RNF216: variants seen among roughly 807,000 people sequenced by gnomAD.
RNF216 encodes E3 ubiquitin-protein ligase RNF216.
A neutral mutation model predicts 110.8 loss-of-function variants in RNF216; 72 were observed. The ratio of observed to expected loss-of-function variants is 0.65; its 90% CI spans 0.54 to 0.79. The LOEUF (loss-of-function observed/expected upper bound fraction) is 0.79. Among genes scored for constraint, RNF216 ranks in the 30% least tolerant of loss-of-function variants. The pLI, the probability that RNF216 is intolerant of heterozygous loss-of-function variation, is 0.00. For missense variants in RNF216, 1,342 were observed against 1,141.2 expected, an observed-to-expected ratio of 1.18 and a Z score of -2.54; for synonymous variants, 495 against 407.5, an observed-to-expected ratio of 1.21 and a Z score of -2.59.
intron 13 of RNF216, among the ~76,000 whole-genome samples, chr7:5,685,331 A>G (rs1202100529): frequency 6.6e-6 from 1 of 152,122 alleles, no homozygotes; most frequent in African/African-American, 2.4e-5. Flanking sequence ...AACGTGATTA[A>G]TGTCAGGAGG....
intron 3 of RNF216, among the ~76,000 whole-genome samples, chr7:5,749,061 T>C (rs1335036422): frequency 2.6e-5 from 4 of 152,022 alleles, no homozygotes; most frequent in African/African-American, 9.7e-5. Flanking sequence ...CTAACTCCAA[T>C]GCCTTTTAGT....
chr7:5,776,210 C>T (rs1796765227), intron 1 of RNF216, among the ~76,000 whole-genome samples: 1 of 152,024 alleles, frequency 6.6e-6, no homozygotes, highest in Non-Finnish European at 1.5e-5. Flanking sequence ...ATCGGGAATA[C>T]ATCAAAACAA....
chr7:5,765,694 G>A (rs1368679035), intron 1 of RNF216, among the ~76,000 whole-genome samples: 4 of 151,070 alleles, frequency 2.6e-5, no homozygotes, highest in African/African-American at 9.7e-5. Flanking sequence ...TGTAATCCCA[G>A]TACTTCGGGC....
At chr7:5,742,978 G>A (rs940970272) in intron 3 of RNF216, among the ~76,000 whole-genome samples, 9 of 151,976 alleles carry the variant, frequency 5.9e-5, no homozygotes, top group African/African-American at 1.7e-4. Context: ...AATAAAAAAC[G>A]TAGGCCAGGC....
chr7:5,724,773 G>A (rs114616123), intron 8 of RNF216, among the ~76,000 whole-genome samples: 5,799 of 152,260 alleles, frequency 0.038, 166 homozygotes, highest in South Asian at 0.068. Flanking sequence ...CGCCTTTACT[G>A]GGTGGAAGCA....
At chr7:5,681,162 G>C (rs1275616210) in intron 13 of RNF216, among the ~76,000 whole-genome samples, 1 of 152,092 alleles carries the variant, frequency 6.6e-6, no homozygotes, top group Non-Finnish European at 1.5e-5. Context: ...AATCGTTTGT[G>C]GTTCTTCAGA....
At chr7:5,694,729 G>A (rs933156088) in intron 13 of RNF216, among the ~76,000 whole-genome samples, 1 of 152,198 alleles carries the variant, frequency 6.6e-6, no homozygotes. Context: ...TACATTCTCT[G>A]TAGCTGCGTA....
intron 5 of RNF216, among the ~76,000 whole-genome samples, chr7:5,737,207 G>C (rs1305887956): frequency 1.3e-5 from 2 of 152,166 alleles, no homozygotes; most frequent in Admixed American, 6.5e-5. Flanking sequence ...GGATGCTGTT[G>C]ATCTATTACC....
intron 13 of RNF216, among the ~76,000 whole-genome samples, chr7:5,653,360 G>A (rs570259058): frequency 1.3e-5 from 2 of 152,152 alleles, no homozygotes; most frequent in South Asian, 4.1e-4. Context: ...GGAGGCCGAG[G>A]TGGGCGGATC....
rs1382644472 is a variant in RNF216, at chr7:5,696,471, T to C, written c.2061+15290A>G. On this transcript the variant is annotated intron_variant, in intron 13 of 16. Transcript: ENST00000389902. This position sits in a 1 kb window ranked among gnomAD's most constrained non-coding sequence, Gnocchi z 5.4. Reference sequence around the variant, plus strand: ...AAACAAATTCACTGGCCGGTGGGAATGCAGCAAAGCAGCAACTGCCCAATG... The same window carrying C: ...AAACAAATTCACTGGCCGGTGGGAACGCAGCAAAGCAGCAACTGCCCAATG... 6.6e-6 allele frequency among the ~76,000 whole-genome samples: 1 copy of C among 152,150 alleles called. No homozygotes were observed. Among genetic ancestry groups the C allele is most frequent in the Non-Finnish European group, 1.5e-5 (1 of 68,016 alleles).
Position 5,682,127 on chromosome 7 carries a change from C to T in RNF216, c.2062-29617G>A, listed in dbSNP as rs146242176. Reference sequence around the variant, plus strand: ...AGGCACCTGAGGCCATGCGGGCCCACGCTGCTAGGAAAAACCGTTGGCTTT... The same window carrying T: ...AGGCACCTGAGGCCATGCGGGCCCATGCTGCTAGGAAAAACCGTTGGCTTT... On this transcript the variant is annotated intron_variant, in intron 13 of 16. Coordinates refer to ENST00000389902, the MANE Select transcript of RNF216 (RefSeq NM_207111.4). Among the ~76,000 whole-genome samples the T allele has an allele frequency of 7.9e-5, 12 of 152,324 alleles. No homozygotes were observed. In the East Asian group the frequency reaches 9.6e-4, roughly 12 times the overall value.
At chr7:5,675,862 A>T (rs1790254590) in intron 13 of RNF216, among the ~76,000 whole-genome samples, 1 of 151,832 alleles carries the variant, frequency 6.6e-6, no homozygotes, top group Non-Finnish European at 1.5e-5. Context: ...GGCATGCACC[A>T]CCATGCCTGG....
intron 13 of RNF216, among the ~76,000 whole-genome samples, chr7:5,693,681 C>A (rs1791465295): frequency 1.3e-5 from 2 of 152,104 alleles, no homozygotes; most frequent in South Asian, 4.2e-4. Flanking sequence ...AGGAAATTCC[C>A]CTTTGCTATA....
At chr7:5,730,871 C>G in intron 5 of RNF216, 54 bp from the exon 6 acceptor site, 1 of 1,576,942 alleles carries the variant, frequency 6.3e-7, no homozygotes, top group Non-Finnish European at 8.6e-7. Flanking sequence ...CACACCTGCC[C>G]ATTGCTTCAA....
At chr7:5,728,224 C>A (rs1172880590) in intron 7 of RNF216, among the ~76,000 whole-genome samples, 2 of 152,128 alleles carry the variant, frequency 1.3e-5, no homozygotes, top group Non-Finnish European at 2.9e-5. Flanking sequence ...TTCTGGAGAC[C>A]CTTGGTCTAC....
intron 1 of RNF216, among the ~76,000 whole-genome samples, chr7:5,764,713 T>A (rs1225316506): frequency 6.6e-6 from 1 of 151,432 alleles, no homozygotes; most frequent in East Asian, 1.9e-4. Context: ...GATCTTTAGG[T>A]AGTAGAGAAA....
chr7:5,651,395 T>C (rs565032034), intron 14 of RNF216, among the ~76,000 whole-genome samples: 1 of 151,800 alleles, frequency 6.6e-6, no homozygotes, highest in East Asian at 2.0e-4. Flanking sequence ...TCCTGGATAA[T>C]TTTATTTTTT....
intron 13 of RNF216, among the ~76,000 whole-genome samples, chr7:5,687,944 T>C (rs1296960453): frequency 1.3e-5 from 2 of 152,242 alleles, no homozygotes; most frequent in Non-Finnish European, 2.9e-5. Context: ...AATCCCGGAC[T>C]GTCATGCCAC....
At chr7:5,712,035 C>T in intron 12 of RNF216, 196 bp from the exon 13 acceptor site, 1 of 577,438 alleles carries the variant, frequency 1.7e-6, no homozygotes, top group Non-Finnish European at 3.1e-6. Context: ...ATAAGCACCA[C>T]ATGAGGTCCT....
Sources: gnomAD v4.1 joint callset for allele counts (sites outside exome capture counted in the v4.1 genomes callset) on GRCh38, gnomAD v4.1.1 for gene constraint, Gnocchi (gnomAD v3.1) non-coding constraint, MANE v1.5 for transcripts, NCBI Gene and HGNC (gene_info 2026-07-23, HGNC 2026-07-21) for gene names.